The following C1QTNF2 variants were observed in gnomAD, a reference collection of about 807,000 sequenced individuals.
C1QTNF2 encodes C1q and TNF related 2.
In C1QTNF2, 15 loss-of-function variants were observed where a neutral mutation model predicts 17.4. That is an observed-to-expected ratio of 0.86 (90% CI 0.58 to 1.33). C1QTNF2 has a LOEUF of 1.33. Among genes scored for constraint, C1QTNF2 ranks in the 40% most tolerant of loss-of-function variants. The pLI is 0.00. For missense variants in C1QTNF2, 381 were observed against 392.3 expected (o/e 0.97, Z 0.24); for synonymous variants, 154 against 163.3 (o/e 0.94, Z 0.44).
intron 2 of C1QTNF2, 36 bp downstream of exon 2, chr5:160,354,732 A>G (rs1289396038): frequency 6.2e-7 from 1 of 1,612,164 alleles, no homozygotes; most frequent in Non-Finnish European, 8.5e-7. Context: ...GCTGTCAGCC[A>G]GGTGGGAACG....
Position 160,349,055 on chromosome 5 carries a change from G to C in C1QTNF2, c.*113C>G. The C allele has an allele frequency of 7.5e-7, 1 of 1,328,658 alleles. No homozygotes were observed. Among genetic ancestry groups the C allele is most frequent in the Non-Finnish European group, 1.0e-6 (1 of 977,092 alleles). 82.3% of individuals were successfully genotyped at this position (1,328,658 alleles called of 1,614,324 possible). On this transcript the variant is annotated 3_prime_UTR_variant, in exon 3 of 3. Coordinates refer to ENST00000652664, the MANE Select transcript of C1QTNF2 (RefSeq NM_031908.6). The surrounding 1 kb of genome is among the most constrained non-coding windows in gnomAD (Gnocchi z 4.3). Reference sequence around the variant, plus strand: ...AAAAAGAGGCAGAGGAGGTGAGCCTGAGGCTAGAACCGCTCACTCGACCCC... The same window carrying C: ...AAAAAGAGGCAGAGGAGGTGAGCCTCAGGCTAGAACCGCTCACTCGACCCC...
rs1763830312 is a variant in C1QTNF2 at position 160,347,815 on chromosome 5, A to G, written c.*1353T>C. On this transcript the variant is annotated 3_prime_UTR_variant, in exon 3 of 3. Transcript: ENST00000652664. ...CACTCTGTTGCCCAGGCTGGAGTGC[A>G]GTGGCAGGATCTCAGCTAACTGCAA... 2.0e-5 allele frequency: 3 copies of G among 146,524 alleles called. No homozygotes were observed. The highest frequency in any genetic ancestry group is 1.4e-4 in the Admixed American group (2 of 14,242). The allele number at this position is 146,524 out of a possible 1,614,324, so 9.1% of individuals were successfully genotyped here.
intron 2 of C1QTNF2, 143 bp downstream of exon 2, chr5:160,354,625 T>TAG (rs1561822961): frequency 4.7e-4 from 130 of 275,032 alleles, no homozygotes; most frequent in African/African-American, 3.2e-3. Flanking sequence ...TATATATATA[T>TAG]ATATATATAG....
In C1QTNF2 at chr5:160,354,996, G is replaced by T; in HGVS notation, c.16C>A (p.Leu6Ile). ...GCACAGGGGAGGGCACAGGCCAGGA[G>T]CACCCAGGGGATCATGGTGGTTACC... MIPWV[L>I]LACALPCAAD... Residue 6 changes from leucine to isoleucine, a missense_variant, in exon 2 of 3, where the codon CTC becomes ATC. Leu to Ile is a conservative substitution (Grantham distance 5, BLOSUM62 2). Coordinates refer to ENST00000652664, the MANE Select transcript of C1QTNF2 (RefSeq NM_031908.6). 6.3e-7 allele frequency: 1 copy of T among 1,577,556 alleles called. No individual in the cohort carries two copies. Among genetic ancestry groups the T allele is most frequent in the Non-Finnish European group, 8.6e-7 (1 of 1,163,388 alleles).
At position 160,362,975 on chromosome 5, in the gene C1QTNF2, C is replaced by T. The variant is rs146091896; in HGVS notation, c.-10+7537G>A. The stretch of plus-strand genomic sequence containing the variant: ...GTCGTATTTAAAATTGTAATTGTTA[C>T]TAGTTGCAATTGAACTAAGGGATCA... On this transcript the variant is annotated intron_variant, in intron 1 of 2. Coordinates refer to ENST00000652664, the MANE Select transcript of C1QTNF2 (RefSeq NM_031908.6). Among the ~76,000 whole-genome samples the T allele has an allele frequency of 3.9e-5, 6 of 152,326 alleles. No homozygotes were observed. The East Asian group carries it at 9.6e-4, about 24-fold the overall frequency.
At chr5:160,355,052 G>A (rs1490375956) in intron 1 of C1QTNF2, 32 bp from the exon 2 acceptor site, 1 of 1,502,168 alleles carries the variant, frequency 6.7e-7, no homozygotes, top group Non-Finnish European at 8.9e-7. Context: ...TGACAGGTGA[G>A]TGTGGCCACC....
At chr5:160,368,661 G>A (rs1489482046) in intron 1 of C1QTNF2, among the ~76,000 whole-genome samples, 1 of 152,178 alleles carries the variant, frequency 6.6e-6, no homozygotes, top group Non-Finnish European at 1.5e-5. Context: ...AAGAAGGAGT[G>A]GGTGAAGCTG....
intron 1 of C1QTNF2, among the ~76,000 whole-genome samples, chr5:160,368,578 A>G (rs146751731): frequency 6.6e-6 from 1 of 152,236 alleles, no homozygotes; most frequent in African/African-American, 2.4e-5. Context: ...ATGGAATATA[A>G]CTAACAGAAG....
intron 1 of C1QTNF2, among the ~76,000 whole-genome samples, chr5:160,357,553 A>C (rs550124224): frequency 1.3e-5 from 2 of 152,278 alleles, no homozygotes; most frequent in East Asian, 3.9e-4. Context: ...GTCTTGGAAA[A>C]CTGGTTGGCC....
Position 160,354,869 on chromosome 5 carries a change from G to T in C1QTNF2, c.143C>A (p.Pro48Gln). 6.2e-7 allele frequency: 1 copy of T among 1,608,092 alleles called. No individual in the cohort carries two copies. The highest frequency in any genetic ancestry group is 1.1e-5 in the South Asian group (1 of 89,842). Residue 48 changes from proline (P) to glutamine (Q), a missense_variant, in exon 2 of 3, where the codon CCA becomes CAA. Transcript: ENST00000652664. Reference sequence around the variant, plus strand: ...CATTCCTGAGGGCCCTGGGGCTCCTGGGGGGCCGGGTGGGCCCTGGGGGCC... The same window carrying T: ...CATTCCTGAGGGCCCTGGGGCTCCTTGGGGGCCGGGTGGGCCCTGGGGGCC... ...LPGPQGPPGP[P>Q]GAPGPSGMMG...
At chr5:160,352,200 C>T (rs1020832098) in intron 2 of C1QTNF2, among the ~76,000 whole-genome samples, 1 of 152,166 alleles carries the variant, frequency 6.6e-6, no homozygotes. Flanking sequence ...TGAGCCACCA[C>T]GCAGCCTCCA....
intron 2 of C1QTNF2, among the ~76,000 whole-genome samples, chr5:160,351,733 G>A (rs1425144357): frequency 6.6e-6 from 1 of 151,876 alleles, no homozygotes; most frequent in Non-Finnish European, 1.5e-5. Flanking sequence ...TGCTTTATGT[G>A]TATTGTTTGA....
At chr5:160,357,200 T>A (rs1764067311) in intron 1 of C1QTNF2, among the ~76,000 whole-genome samples, 1 of 152,166 alleles carries the variant, frequency 6.6e-6, no homozygotes, top group African/African-American at 2.4e-5. Context: ...CCTTGCCCGT[T>A]TCACACCTTC....
At chr5:160,359,947 C>G (rs1041514419) in intron 1 of C1QTNF2, among the ~76,000 whole-genome samples, 1 of 151,728 alleles carries the variant, frequency 6.6e-6, no homozygotes, top group African/African-American at 2.4e-5. Flanking sequence ...TGGCCCAGCA[C>G]CCACCCCCCC....
chr5:160,349,919 A>C lies in C1QTNF2; in HGVS notation c.245-138T>G. The C allele has an allele frequency of 1.0e-6, 1 of 982,374 alleles. No individual in the cohort carries two copies. Among genetic ancestry groups the C allele is most frequent in the Non-Finnish European group, 1.4e-6 (1 of 700,724 alleles). 60.9% of individuals were successfully genotyped at this position (982,374 alleles called of 1,614,324 possible). The stretch of plus-strand genomic sequence containing the variant: ...ACAAGAAGGCTTTGCAGACATATAG[A>C]AGTGGGTGTAAATCCTAATGCTAGC... On this transcript the variant is annotated intron_variant, in intron 2 of 2. Transcript: ENST00000652664. This position sits in a 1 kb window ranked among gnomAD's most constrained non-coding sequence, Gnocchi z 4.3.
At chr5:160,351,927 T>A (rs1763932461) in intron 2 of C1QTNF2, among the ~76,000 whole-genome samples, 1 of 150,622 alleles carries the variant, frequency 6.6e-6, no homozygotes, top group Non-Finnish European at 1.5e-5. Context: ...TTTTTTTTTT[T>A]AAAGATAGAG....
At chr5:160,362,015 C>A (rs539524935) in intron 1 of C1QTNF2, among the ~76,000 whole-genome samples, 1 of 152,160 alleles carries the variant, frequency 6.6e-6, no homozygotes, top group East Asian at 1.9e-4. Context: ...TGGAGCCTAG[C>A]GCAGCACTGC....
intron 1 of C1QTNF2, among the ~76,000 whole-genome samples, chr5:160,364,756 T>C (rs1312885132): frequency 1.3e-5 from 2 of 152,202 alleles, no homozygotes; most frequent in African/African-American, 4.8e-5. Context: ...CCTTGCTGTT[T>C]CTGCTCTGAG....
intron 1 of C1QTNF2, among the ~76,000 whole-genome samples, chr5:160,367,021 CAAAAAAAA>C (rs71285021): frequency 2.3e-5 from 2 of 87,362 alleles, no homozygotes; most frequent in African/African-American, 8.1e-5. Context: ...AAGACATTGT[CAAAAAAAA>C]AAAAAAAAAA....
Sources: gnomAD v4.1 joint callset for allele counts (sites outside exome capture counted in the v4.1 genomes callset) on GRCh38, gnomAD v4.1.1 for gene constraint, Gnocchi (gnomAD v3.1) non-coding constraint, MANE v1.5 for transcripts, NCBI Gene and HGNC (gene_info 2026-07-23, HGNC 2026-07-21) for gene names.